Variants in ADAMTS12 observed in about 807,000 individuals in gnomAD.
ADAMTS12 encodes ADAM metallopeptidase with thrombospondin type 1 motif 12, also known as A disintegrin and metalloproteinase with thrombospondin motifs 12.
A neutral mutation model predicts 167.8 loss-of-function variants in ADAMTS12; 118 were observed. The observed-to-expected ratio is 0.70, with a 90% CI of 0.61 to 0.82. The LOEUF (loss-of-function observed/expected upper bound fraction) is 0.82. Among genes scored for constraint, ADAMTS12 ranks in the 40% least tolerant of loss-of-function variants. The probability of loss-of-function intolerance (pLI) is 0.00; values close to 1 mark genes in which losing one functional copy is unlikely to be tolerated. For missense variants in ADAMTS12, 1,916 were observed against 1,998.8 expected (o/e 0.96, Z 0.79); for synonymous variants, 704 against 716.9 (o/e 0.98, Z 0.29).
At chr5:33,785,384 T>G (rs1248060788) in intron 2 of ADAMTS12, among the ~76,000 whole-genome samples, 1 of 152,126 alleles carries the variant, frequency 6.6e-6, no homozygotes, top group Non-Finnish European at 1.5e-5. Context: ...AAAGATATAA[T>G]GCAGACAGGG....
rs1744795210 is a variant in ADAMTS12 at position 33,746,577 on chromosome 5, G to A, written c.634+4827C>T. On this transcript the variant is annotated intron_variant, in intron 3 of 23. Coordinates refer to ENST00000504830, the MANE Select transcript of ADAMTS12 (RefSeq NM_030955.4). The stretch of plus-strand genomic sequence containing the variant: ...TAACAATAGTAAAACATGAAAGAAA[G>A]AAGAAATCCTCAGAGGCCAAAAGTA... 2.0e-5 allele frequency among the ~76,000 whole-genome samples: 3 copies of A among 152,244 alleles called. No homozygotes were observed. The South Asian group carries it at 6.2e-4, about 32-fold the overall frequency.
At chr5:33,575,042 A>T (rs1746617066) in intron 19 of ADAMTS12, among the ~76,000 whole-genome samples, 1 of 152,218 alleles carries the variant, frequency 6.6e-6, no homozygotes, top group South Asian at 2.1e-4. Flanking sequence ...TTGGTTCTAG[A>T]AATGAAAAGA....
Position 33,683,077 on chromosome 5 carries a change from T to C in ADAMTS12, c.856A>G (p.Ser286Gly), listed in dbSNP as rs1742190221. The change falls in exon 5 of 24, where the codon AGC becomes GGC. Residue 286 changes from serine (S) to glycine (G), a missense_variant. Transcript: ENST00000504830. ...ACAATGTGAATTGCATTGCCAATGC[T>C]TGGGTTATGGAACAACCCAGTGACC... ...NMVTGLFHNP[S>G]IGNAIHIVVV... 1.2e-6 allele frequency: 2 copies of C among 1,613,468 alleles called. No individual in the cohort carries two copies. The highest frequency in any genetic ancestry group is 1.7e-5 in the Admixed American group (1 of 59,924).
At chr5:33,553,070 T>C (rs914639506) in intron 20 of ADAMTS12, among the ~76,000 whole-genome samples, 6 of 152,008 alleles carry the variant, frequency 3.9e-5, no homozygotes, top group Admixed American at 3.3e-4. Context: ...GAACAGACAC[T>C]TTTCAAAAAA....
At chr5:33,884,362 C>T (rs146674248) in intron 1 of ADAMTS12, among the ~76,000 whole-genome samples, 12 of 152,314 alleles carry the variant, frequency 7.9e-5, no homozygotes, top group African/African-American at 2.6e-4. Flanking sequence ...TGATCGCTGA[C>T]ATCCCCTTCA....
intron 3 of ADAMTS12, 145 bp from the exon 4 acceptor site, chr5:33,684,200 C>T (rs1742239962): frequency 3.8e-6 from 2 of 524,136 alleles, no homozygotes; most frequent in South Asian, 1.9e-4. Context: ...CCAAAATAGA[C>T]CAATTTAAAT....
intron 2 of ADAMTS12, among the ~76,000 whole-genome samples, chr5:33,789,534 G>C (rs1382999769): frequency 6.6e-6 from 1 of 152,174 alleles, no homozygotes; most frequent in Non-Finnish European, 1.5e-5. Flanking sequence ...GGTCTCTCTG[G>C]AGGAAAGCAG....
At chr5:33,650,005 A>T (rs752769543) in intron 7 of ADAMTS12, among the ~76,000 whole-genome samples, 3 of 152,216 alleles carry the variant, frequency 2.0e-5, no homozygotes, top group Non-Finnish European at 4.4e-5. Flanking sequence ...ATCAGGAGTC[A>T]GGAAGGCAAA....
intron 5 of ADAMTS12, among the ~76,000 whole-genome samples, chr5:33,681,902 C>A (rs1006235041): frequency 6.6e-6 from 1 of 152,078 alleles, no homozygotes; most frequent in African/African-American, 2.4e-5. Flanking sequence ...CAGGTCACAG[C>A]AAGAAATTTT....
intron 2 of ADAMTS12, among the ~76,000 whole-genome samples, chr5:33,826,163 G>C (rs946449668): frequency 5.9e-5 from 9 of 152,122 alleles, no homozygotes; most frequent in Admixed American, 5.9e-4. Flanking sequence ...ACATTTCTAA[G>C]GGAAGTCAAG....
At chr5:33,713,930 G>A (rs537531876) in intron 3 of ADAMTS12, among the ~76,000 whole-genome samples, 1 of 152,092 alleles carries the variant, frequency 6.6e-6, no homozygotes, top group Non-Finnish European at 1.5e-5. Flanking sequence ...TAAAGATCTC[G>A]TTTCTGACAC....
chr5:33,849,150 C>A (rs1749081612), intron 2 of ADAMTS12, among the ~76,000 whole-genome samples: 3 of 68,018 alleles, frequency 4.4e-5, no homozygotes, highest in South Asian at 3.4e-4. Flanking sequence ...TATTGCATAG[C>A]AATATATATA....
chr5:33,713,691 A>G (rs1358214712), intron 3 of ADAMTS12, among the ~76,000 whole-genome samples: 1 of 152,118 alleles, frequency 6.6e-6, no homozygotes, highest in African/African-American at 2.4e-5. Context: ...TAATGAAACT[A>G]ATGAGAAAAA....
chr5:33,842,772 A>G (rs891519403), intron 2 of ADAMTS12, among the ~76,000 whole-genome samples: 1 of 152,216 alleles, frequency 6.6e-6, no homozygotes, highest in African/African-American at 2.4e-5. Context: ...ACACCAGGAC[A>G]GTAGGCATCA....
intron 7 of ADAMTS12, among the ~76,000 whole-genome samples, chr5:33,652,553 C>T (rs1740902581): frequency 6.6e-6 from 1 of 151,966 alleles, no homozygotes; most frequent in African/African-American, 2.4e-5. Context: ...GTATAGTTTA[C>T]ATATGTTTTC....
intron 1 of ADAMTS12, among the ~76,000 whole-genome samples, chr5:33,890,872 CTG>C (rs1022515100): frequency 6.6e-6 from 1 of 152,172 alleles, no homozygotes; most frequent in Non-Finnish European, 1.5e-5. Flanking sequence ...GACAGCAACA[CTG>C]GTACCTGCAC....
At chr5:33,757,015 G>A in intron 2 of ADAMTS12, among the ~76,000 whole-genome samples, 1 of 152,132 alleles carries the variant, frequency 6.6e-6, no homozygotes, top group Non-Finnish European at 1.5e-5. Context: ...TTAAATTTAA[G>A]CAGCCACTGG....
intron 3 of ADAMTS12, among the ~76,000 whole-genome samples, chr5:33,705,812 A>G (rs900544541): frequency 5.3e-5 from 8 of 151,170 alleles, no homozygotes; most frequent in Non-Finnish European, 1.0e-4. Flanking sequence ...CTGTTTCAAA[A>G]AATAATAACA....
chr5:33,639,440 G>A (rs1740352863), intron 11 of ADAMTS12, among the ~76,000 whole-genome samples: 1 of 152,188 alleles, frequency 6.6e-6, no homozygotes, highest in Non-Finnish European at 1.5e-5. Flanking sequence ...ATGTGAAGGG[G>A]AAAGCCATGG....
Sources: gnomAD v4.1 joint callset for allele counts (sites outside exome capture counted in the v4.1 genomes callset) on GRCh38, gnomAD v4.1.1 for gene constraint, MANE v1.5 for transcripts, NCBI Gene and HGNC (gene_info 2026-07-23, HGNC 2026-07-21) for gene names.